Variants in C14orf132 observed in about 807,000 individuals in gnomAD.
The protein encoded by C14orf132 is uncharacterized protein C14orf132.
C14orf132 carries 6 observed loss-of-function variants against 5.8 expected under a neutral mutation model. That is an observed-to-expected ratio of 1.03 (90% CI 0.57 to 2.04). The LOEUF (loss-of-function observed/expected upper bound fraction) is 2.04, where lower values mean the gene tolerates loss of function less well. Ranked by LOEUF, C14orf132 falls within the 30% of genes most tolerant of loss-of-function variation. The pLI is 0.00. For missense variants in C14orf132, 125 were observed against 115.8 expected, an observed-to-expected ratio of 1.08 and a Z score of -0.37; for synonymous variants, 51 against 49.8, an observed-to-expected ratio of 1.02 and a Z score of -0.10.
chr14:96,068,421 C>CT (rs1887598590), intron 1 of C14orf132, among the ~76,000 whole-genome samples: 6 of 152,156 alleles, frequency 3.9e-5, no homozygotes, highest in Non-Finnish European at 8.8e-5. Context: ...GCCCGTCCAG[C>CT]GGGCACTCAC....
chr14:96,077,761 T>A (rs1887917419), intron 1 of C14orf132, among the ~76,000 whole-genome samples: 1 of 152,214 alleles, frequency 6.6e-6, no homozygotes, highest in Admixed American at 6.5e-5. Flanking sequence ...GGTCTGAAAA[T>A]TCTCTGTCAC....
rs1032358313 is a variant in C14orf132 at position 96,088,215 on chromosome 14, T to C, written c.*1480T>C. 1 of 152,200 alleles carries C rather than the reference T, an allele frequency of 6.6e-6. No homozygotes were observed. The highest frequency in any genetic ancestry group is 1.5e-5 in the Non-Finnish European group (1 of 68,044). 9.4% of individuals were successfully genotyped at this position (152,200 alleles called of 1,614,324 possible). On this transcript the variant is annotated 3_prime_UTR_variant, in exon 2 of 2. Coordinates refer to ENST00000555004, the MANE Select transcript of C14orf132 (RefSeq NM_001252507.3). ...TCTCAGGAGAAATGAGTGTTCTTGA[T>C]GACAGGCAAAGGGACATCTTAGTTG...
chr14:96,063,521 C>T (rs1017041513), intron 1 of C14orf132, among the ~76,000 whole-genome samples: 1 of 152,020 alleles, frequency 6.6e-6, no homozygotes, highest in Non-Finnish European at 1.5e-5. Context: ...GTTGGCCAGG[C>T]TGGTCTCAAA....
chr14:96,081,113 C>T lies in C14orf132; in HGVS notation c.28-5398C>T, dbSNP rs144541370. ...TCTCCCCCTTTCCCAGAGGCAGCCACGATCATGAATCTGGCTTCACAATCC... is the reference window on the plus strand; with the variant it reads ...TCTCCCCCTTTCCCAGAGGCAGCCATGATCATGAATCTGGCTTCACAATCC... On this transcript the variant is annotated intron_variant, in intron 1 of 1. Transcript: ENST00000555004. 8.5e-5 allele frequency among the ~76,000 whole-genome samples: 13 copies of T among 152,280 alleles called. No individual in the cohort carries two copies. In the East Asian group the frequency reaches 1.9e-3, roughly 23 times the overall value.
chr14:96,077,891 T>C (rs1028937618), intron 1 of C14orf132, among the ~76,000 whole-genome samples: 3 of 152,248 alleles, frequency 2.0e-5, no homozygotes, highest in Admixed American at 2.0e-4. Flanking sequence ...TTTACTGTGC[T>C]CCTTTGAATC....
chr14:96,064,365 C>CAG (rs948011704), intron 1 of C14orf132, among the ~76,000 whole-genome samples: 31 of 122,484 alleles, frequency 2.5e-4, no homozygotes, highest in African/African-American at 1.2e-3. Flanking sequence ...TGCATATATA[C>CAG]ACACACACAC....
intron 1 of C14orf132, among the ~76,000 whole-genome samples, chr14:96,049,537 C>CATACGTATATATATACATAT (rs1566823623): frequency 7.8e-6 from 1 of 127,810 alleles, no homozygotes; most frequent in African/African-American, 2.9e-5. Flanking sequence ...CACATATATA[C>CATACGTATATATATACATAT]ATACGTATAT....
chr14:96,093,496 T>TATA lies in C14orf132; in HGVS notation c.*6761_*6762insATA, dbSNP rs2139696566. On this transcript the variant is annotated 3_prime_UTR_variant, in exon 2 of 2. Transcript: ENST00000555004. ...CTGCCAGTTGAAGGCATACTAATATTCTTTATACTATTTAATCTTTTGCAG... is the reference window on the plus strand; with the variant it reads ...CTGCCAGTTGAAGGCATACTAATATTATACTTTATACTATTTAATCTTTTGCAG... The TATA allele has an allele frequency of 6.6e-6, 1 of 152,348 alleles. No individual in the cohort carries two copies. Among genetic ancestry groups the TATA allele is most frequent in the East Asian group, 1.9e-4 (1 of 5,188 alleles). 9.4% of individuals were successfully genotyped at this position (152,348 alleles called of 1,614,324 possible).
At chr14:96,061,729 A>C (rs1887363538) in intron 1 of C14orf132, among the ~76,000 whole-genome samples, 1 of 152,068 alleles carries the variant, frequency 6.6e-6, no homozygotes, top group Admixed American at 6.5e-5. Flanking sequence ...GCTGGAGACC[A>C]GACAGGGCGG....
chr14:96,067,985 A>G (rs560904085), intron 1 of C14orf132, among the ~76,000 whole-genome samples: 15 of 152,330 alleles, frequency 9.8e-5, no homozygotes, highest in East Asian at 7.7e-4. Context: ...ATAAAACCCA[A>G]TCATGCCTGT....
intron 1 of C14orf132, among the ~76,000 whole-genome samples, chr14:96,070,680 G>A (rs536822144): frequency 1.5e-4 from 23 of 151,206 alleles, no homozygotes; most frequent in Admixed American, 4.0e-4. Context: ...CTAACCTTAG[G>A]CAAATCGCTT....
chr14:96,047,406 G>T, intron 1 of C14orf132, among the ~76,000 whole-genome samples: 1 of 152,286 alleles, frequency 6.6e-6, no homozygotes, highest in East Asian at 1.9e-4. Context: ...CTTGCTGTGT[G>T]CTCTGTCCTG....
chr14:96,070,515 T>C (rs1887673200), intron 1 of C14orf132, among the ~76,000 whole-genome samples: 1 of 152,030 alleles, frequency 6.6e-6, no homozygotes. Flanking sequence ...ACTTGAAGCA[T>C]GTCCCAGGAA....
chr14:96,055,737 T>C (rs745526193), intron 1 of C14orf132, among the ~76,000 whole-genome samples: 9 of 152,188 alleles, frequency 5.9e-5, no homozygotes, highest in Admixed American at 1.3e-4. Context: ...TGGTACAGAA[T>C]AGACCATGGA....
chr14:96,082,072 C>T (rs1214510717), intron 1 of C14orf132, among the ~76,000 whole-genome samples: 1 of 152,206 alleles, frequency 6.6e-6, no homozygotes, highest in African/African-American at 2.4e-5. Flanking sequence ...TTAAGCCACT[C>T]TGTCTTCTGC....
rs1888375759 is a variant in C14orf132, at chr14:96,090,813, T to A, written c.*4078T>A. 1 of 455,992 alleles carries A rather than the reference T, an allele frequency of 2.2e-6. No homozygotes were observed. Among genetic ancestry groups the A allele is most frequent in the African/African-American group, 2.0e-5 (1 of 50,082 alleles). The allele number at this position is 455,992 out of a possible 1,614,324, so 28.2% of individuals were successfully genotyped here. ...CAGACCACTCTGGCGTCTCCTGAAG[T>A]GGGTCCCTGGAGACCGAAGAGGCTC... is the stretch of plus-strand genomic sequence containing the variant. On this transcript the variant is annotated 3_prime_UTR_variant, in exon 2 of 2. Transcript: ENST00000555004.
intron 1 of C14orf132, among the ~76,000 whole-genome samples, chr14:96,078,110 G>A (rs566749443): frequency 6.6e-6 from 1 of 152,332 alleles, no homozygotes; most frequent in South Asian, 2.1e-4. Context: ...GCACTGCCAG[G>A]GCACCCTGCA....
Position 96,086,632 on chromosome 14 carries a change from A to G in C14orf132, c.149A>G (p.Asp50Gly). ...AAANGQGQPE[D>G]PPRSSNDAVL... is the part of the protein sequence containing the mutation. Reference sequence around the variant, plus strand: ...GCCAATGGCCAGGGCCAGCCGGAAGATCCTCCTCGGTCCTCCAACGACGCC... The same window carrying G: ...GCCAATGGCCAGGGCCAGCCGGAAGGTCCTCCTCGGTCCTCCAACGACGCC... Residue 50 changes from aspartate to glycine, a missense_variant, in exon 2 of 2, where the codon GAT becomes GGT. Physicochemically the swap from Asp to Gly is moderately conservative, Grantham distance 94 (BLOSUM62 -1). Coordinates refer to ENST00000555004, the MANE Select transcript of C14orf132 (RefSeq NM_001252507.3). The G allele has an allele frequency of 6.5e-7, 1 of 1,536,120 alleles. No individual in the cohort carries two copies. The highest frequency in any genetic ancestry group is 1.4e-5 in the African/African-American group (1 of 73,150).
chr14:96,072,898 T>C (rs1887753543), intron 1 of C14orf132, among the ~76,000 whole-genome samples: 1 of 152,240 alleles, frequency 6.6e-6, no homozygotes, highest in African/African-American at 2.4e-5. Context: ...TCATTCGCGT[T>C]GTTTCCAGTG....
Sources: allele counts gnomAD v4.1 joint callset (sites outside exome capture counted in the v4.1 genomes callset), GRCh38; gene constraint gnomAD v4.1.1; transcripts MANE v1.5; gene names NCBI Gene and HGNC (gene_info 2026-07-23, HGNC 2026-07-21).